Variants in TEAD1 observed in about 807,000 individuals in gnomAD.
TEAD1 encodes the protein transcriptional enhancer factor TEF-1.
Under a neutral mutation model 54.9 loss-of-function variants are expected in TEAD1, and 9 were observed. That is an observed-to-expected ratio of 0.16 (90% confidence interval 0.10 to 0.29). The LOEUF is 0.29. TEAD1 is among the 10% of genes least tolerant of loss of function. The pLI, the probability that TEAD1 is intolerant of heterozygous loss-of-function variation, is 1.00. For synonymous variants in TEAD1, 200 were observed against 187.8 expected (o/e 1.07, Z -0.53); for missense variants, 387 against 535.9 (o/e 0.72, Z 2.74).
At chr11:12,717,390 T>C (rs1278674778) in intron 2 of TEAD1, among the ~76,000 whole-genome samples, 2 of 152,178 alleles carry the variant, frequency 1.3e-5, no homozygotes, top group East Asian at 3.8e-4. Flanking sequence ...TGATGGAAGC[T>C]TTGTGTTTTA....
In TEAD1 at chr11:12,697,522, A is replaced by T. The variant is rs188503399; in HGVS notation, c.-55+21961A>T. Among the ~76,000 whole-genome samples, 424 of 152,366 alleles carry T rather than the reference A, an allele frequency of 2.8e-3. 10 individuals are homozygous for T. The highest frequency in any genetic ancestry group is 0.026 in the Admixed American group (396 of 15,308). ...TTTTTTGGGGAGGAAAACCCCTACA[A>T]GTACATTAGCAGATGTACATACATG... On this transcript the variant is annotated intron_variant, in intron 2 of 12. Transcript: ENST00000527636.
intron 3 of TEAD1, among the ~76,000 whole-genome samples, chr11:12,859,502 G>C (rs879728754): frequency 1.3e-4 from 20 of 152,294 alleles, no homozygotes; most frequent in East Asian, 3.9e-4. Flanking sequence ...GGTACTCCTA[G>C]CTGGGCTCTG....
chr11:12,882,436 C>A (rs926109666), intron 8 of TEAD1, among the ~76,000 whole-genome samples: 1 of 152,164 alleles, frequency 6.6e-6, no homozygotes, highest in African/African-American at 2.4e-5. Context: ...GGCGCACCCC[C>A]CATCCCCACC....
At position 12,698,028 on chromosome 11, in the gene TEAD1, A is replaced by C. The variant is rs1943623464; in HGVS notation, c.-55+22467A>C. On this transcript the variant is annotated intron_variant, in intron 2 of 12. Transcript: ENST00000527636. ...ACAGAGCGAAACTCCGTCTCAAAAAAAAAAAAAAAAGGGCCCTCAGAACAG... is the reference window on the plus strand; with the variant it reads ...ACAGAGCGAAACTCCGTCTCAAAAACAAAAAAAAAAGGGCCCTCAGAACAG... Among the ~76,000 whole-genome samples the C allele has an allele frequency of 2.0e-5, 3 of 152,200 alleles. No individual in the cohort carries two copies. In the South Asian group the frequency reaches 6.2e-4, roughly 32 times the overall value.
At chr11:12,857,614 T>TGTGTGTGTGTGTGTGTGTGTG in intron 3 of TEAD1, among the ~76,000 whole-genome samples, 1 of 55,148 alleles carries the variant, frequency 1.8e-5, no homozygotes, top group African/African-American at 1.0e-4. Context: ...GTGTGTGTGT[T>TGTGTGTGTGTGTGTGTGTGTG]AGAAGATCAT....
rs148223743 is a variant in TEAD1 at position 12,879,086 on chromosome 11, C to T, written c.331-622C>T. Among the ~76,000 whole-genome samples, 148 of 152,314 alleles carry T rather than the reference C, an allele frequency of 9.7e-4. 2 individuals carry two copies. In the East Asian group the frequency reaches 0.022, roughly 22 times the overall value. On this transcript the variant is annotated intron_variant, in intron 5 of 12. Coordinates refer to ENST00000527636, the MANE Select transcript of TEAD1 (RefSeq NM_021961.6). ...ACGAACCCACGTAGCCTTAGCCCCA[C>T]GGCGGGGATACCTGAGAAAGCATGC...
chr11:12,719,949 GTTTTTTTTTTTTTTTTTTT>G (rs1200965763), intron 2 of TEAD1, among the ~76,000 whole-genome samples: 39 of 39,998 alleles, frequency 9.8e-4, no homozygotes, highest in East Asian at 3.1e-3. Flanking sequence ...GAAATCTAAT[GTTTTTTTTTTTTTTTTTTT>G]TTTTTTTTTT....
rs1170412310 is a variant in TEAD1, at chr11:12,675,048, A to C, written c.-208+214A>C. On this transcript the variant is annotated intron_variant, in intron 1 of 12. Transcript: ENST00000527636. ...GCCGGGCGCCGCCGCGCGACTTGCC[A>C]GGACGCCAAGTTGGGCCGCGCGCTG... 1.4e-4 allele frequency among the ~76,000 whole-genome samples: 21 copies of C among 145,906 alleles called. No homozygotes were observed. In the East Asian group the frequency reaches 3.0e-3, roughly 21 times the overall value.
Position 12,870,015 on chromosome 11 carries a change from G to A in TEAD1, c.330+5115G>A, listed in dbSNP as rs182134818. Among the ~76,000 whole-genome samples, 5 of 152,252 alleles carry A rather than the reference G, an allele frequency of 3.3e-5. No homozygotes were observed. In the East Asian group the frequency reaches 9.6e-4, roughly 29 times the overall value. The stretch of plus-strand genomic sequence containing the variant: ...CTGCCTCAGCCTCCCAAGTAGCTGG[G>A]ATTACAGGCGCTCATCACGACACTC... On this transcript the variant is annotated intron_variant, in intron 5 of 12. Coordinates refer to ENST00000527636, the MANE Select transcript of TEAD1 (RefSeq NM_021961.6).
intron 9 of TEAD1, among the ~76,000 whole-genome samples, chr11:12,887,151 C>T (rs567928411): frequency 2.8e-5 from 4 of 141,472 alleles, no homozygotes; most frequent in South Asian, 4.5e-4. Flanking sequence ...GGCTGGAGTG[C>T]GGTGGCGCGA....
chr11:12,890,182 G>A (rs1176583434), intron 9 of TEAD1, among the ~76,000 whole-genome samples: 1 of 152,166 alleles, frequency 6.6e-6, no homozygotes. Context: ...CGGTGACTGT[G>A]CCAAAGTTTA....
intron 3 of TEAD1, among the ~76,000 whole-genome samples, chr11:12,787,313 C>T (rs1945698799): frequency 6.6e-6 from 1 of 152,160 alleles, no homozygotes; most frequent in East Asian, 1.9e-4. Context: ...GGATACATTC[C>T]TACTCAAAAA....
At chr11:12,823,487 T>A (rs563540232) in intron 3 of TEAD1, 4 of 152,324 alleles carry the variant, frequency 2.6e-5, no homozygotes, top group Admixed American at 2.6e-4. Flanking sequence ...CCCAGGCTGC[T>A]GTACAGGTGG....
intron 2 of TEAD1, among the ~76,000 whole-genome samples, chr11:12,682,343 C>T (rs919239215): frequency 2.6e-5 from 4 of 152,168 alleles, no homozygotes; most frequent in African/African-American, 7.2e-5. Flanking sequence ...CTTCTCTGCT[C>T]GGCATTCATT....
At chr11:12,738,924 G>A (rs905063685) in intron 2 of TEAD1, among the ~76,000 whole-genome samples, 6 of 152,178 alleles carry the variant, frequency 3.9e-5, no homozygotes, top group Non-Finnish European at 8.8e-5. Flanking sequence ...ACTTGTTGAT[G>A]GGCAGTTGGC....
intron 2 of TEAD1, among the ~76,000 whole-genome samples, chr11:12,753,505 A>C (rs1265496394): frequency 6.6e-6 from 1 of 152,162 alleles, no homozygotes; most frequent in Non-Finnish European, 1.5e-5. Flanking sequence ...GCATTTCTTT[A>C]ATAACTAGGC....
intron 2 of TEAD1, among the ~76,000 whole-genome samples, chr11:12,696,095 G>T (rs985380565): frequency 2.0e-5 from 3 of 152,230 alleles, no homozygotes; most frequent in Admixed American, 6.5e-5. Flanking sequence ...CTGTACAGCT[G>T]TGCCTCCTTA....
intron 3 of TEAD1, among the ~76,000 whole-genome samples, chr11:12,795,952 C>T (rs1564942737): frequency 6.6e-6 from 1 of 152,184 alleles, no homozygotes; most frequent in Non-Finnish European, 1.5e-5. Context: ...CCAGATTATT[C>T]TGATTCACAG....
chr11:12,737,258 C>T (rs1225274831), intron 2 of TEAD1, among the ~76,000 whole-genome samples: 1 of 151,028 alleles, frequency 6.6e-6, no homozygotes, highest in Non-Finnish European at 1.5e-5. Context: ...TGTGTTTATA[C>T]ATCCCTATCT....
Sources: allele counts gnomAD v4.1 joint callset (sites outside exome capture counted in the v4.1 genomes callset), GRCh38; gene constraint gnomAD v4.1.1; transcripts MANE v1.5; gene names NCBI Gene and HGNC (gene_info 2026-07-23, HGNC 2026-07-21).